Variants in TDRD3 observed in about 807,000 individuals in gnomAD.
TDRD3 encodes the protein tudor domain containing 3.
Under a neutral mutation model 86.7 loss-of-function variants are expected in TDRD3, and 45 were observed. The observed-to-expected ratio is 0.52, with a 90% CI of 0.41 to 0.67. The LOEUF is 0.67. Ranked by LOEUF, TDRD3 falls within the 30% of genes least tolerant of loss-of-function variation. TDRD3 has a pLI of 0.00. For missense variants in TDRD3, 814 were observed against 889.0 expected, an observed-to-expected ratio of 0.92 and a Z score of 1.07; for synonymous variants, 298 against 301.7, an observed-to-expected ratio of 0.99 and a Z score of 0.13.
At chr13:60,562,401 A>G (rs1398976093) in intron 12 of TDRD3, among the ~76,000 whole-genome samples, 2 of 151,960 alleles carry the variant, frequency 1.3e-5, no homozygotes, top group African/African-American at 4.8e-5. Context: ...GAATATTAGT[A>G]TAGTTAATCT....
intron 5 of TDRD3, among the ~76,000 whole-genome samples, chr13:60,473,723 AAG>A (rs1306543406): frequency 4.6e-5 from 7 of 152,338 alleles, no homozygotes; most frequent in South Asian, 4.1e-4. Context: ...ACCAGAAGAC[AAG>A]AGTGTGAGCC....
At chr13:60,501,744 T>G (rs561665168) in intron 8 of TDRD3, among the ~76,000 whole-genome samples, 1 of 152,212 alleles carries the variant, frequency 6.6e-6, no homozygotes, top group Non-Finnish European at 1.5e-5. Flanking sequence ...AACAACCAAC[T>G]ATTCTCTTTA....
chr13:60,396,159 C>G (rs947898434), upstream of TDRD3, among the ~76,000 whole-genome samples: 2 of 152,188 alleles, frequency 1.3e-5, no homozygotes, highest in South Asian at 2.1e-4. Context: ...TTTGATGATG[C>G]CCTTAGAAGC....
chr13:60,541,716 CTTTTTTTTT>C (rs71199007), intron 12 of TDRD3, among the ~76,000 whole-genome samples: 17 of 41,034 alleles, frequency 4.1e-4, no homozygotes, highest in African/African-American at 5.1e-4. Context: ...TCAGCATAGT[CTTTTTTTTT>C]TTTTTTTTTT....
chr13:60,414,461 C>G (rs1436157837), intron 1 of TDRD3, among the ~76,000 whole-genome samples: 1 of 152,052 alleles, frequency 6.6e-6, no homozygotes, highest in Non-Finnish European at 1.5e-5. Flanking sequence ...TGGTTCTTTA[C>G]AGGAAAAGTT....
intron 5 of TDRD3, among the ~76,000 whole-genome samples, chr13:60,474,083 C>T (rs983579669): frequency 6.6e-6 from 1 of 152,160 alleles, no homozygotes; most frequent in African/African-American, 2.4e-5. Context: ...CATGTTCCAC[C>T]CTGTACACCT....
At chr13:60,508,374 A>T (rs1595043418) in intron 8 of TDRD3, among the ~76,000 whole-genome samples, 1 of 152,196 alleles carries the variant, frequency 6.6e-6, no homozygotes, top group East Asian at 1.9e-4. Flanking sequence ...AACTATACTA[A>T]AAGGCTACAG....
chr13:60,483,357 C>G (rs1210064355), intron 5 of TDRD3, among the ~76,000 whole-genome samples: 2 of 151,936 alleles, frequency 1.3e-5, no homozygotes, highest in African/African-American at 4.8e-5. Context: ...AGAAATCACC[C>G]TTATGTTAAC....
chr13:60,510,772 T>C lies in TDRD3; in HGVS notation c.1141+17T>C. On this transcript the variant is annotated intron_variant, in intron 10 of 13. Transcript: ENST00000377881. ...ATGTGGAAGGTAAGCTAATTTAAAG[T>C]TGATTCCTTTTTTTTTCTTTCTTTT... is the stretch of plus-strand genomic sequence containing the variant. 6 of 1,521,348 alleles carry C rather than the reference T, an allele frequency of 3.9e-6. No individual in the cohort carries two copies. Among genetic ancestry groups the C allele is most frequent in the South Asian group, 1.3e-5 (1 of 76,090 alleles). 94.2% of individuals were successfully genotyped at this position (1,521,348 alleles called of 1,614,324 possible).
chr13:60,553,765 T>G (rs1260897792), intron 12 of TDRD3, among the ~76,000 whole-genome samples: 1 of 152,088 alleles, frequency 6.6e-6, no homozygotes, highest in Non-Finnish European at 1.5e-5. Context: ...ACCGACCCCA[T>G]GATCCAATCA....
At chr13:60,525,396 A>G (rs1008220887) in intron 10 of TDRD3, among the ~76,000 whole-genome samples, 3 of 151,358 alleles carry the variant, frequency 2.0e-5, no homozygotes, top group African/African-American at 7.3e-5. Flanking sequence ...CTGGTCTCGA[A>G]CTCCTGACCT....
chr13:60,465,590 A>G (rs1365426167), intron 4 of TDRD3, among the ~76,000 whole-genome samples: 3 of 152,146 alleles, frequency 2.0e-5, no homozygotes, highest in African/African-American at 4.8e-5. Flanking sequence ...TATATATGCA[A>G]AATGTACAGA....
At chr13:60,462,316 G>A (rs1050295459) in intron 4 of TDRD3, among the ~76,000 whole-genome samples, 1 of 152,160 alleles carries the variant, frequency 6.6e-6, no homozygotes, top group Non-Finnish European at 1.5e-5. Flanking sequence ...GGTCAGCCCT[G>A]AGTGTCACTG....
intron 8 of TDRD3, among the ~76,000 whole-genome samples, chr13:60,495,267 T>C (rs1010277227): frequency 2.0e-5 from 3 of 152,180 alleles, no homozygotes; most frequent in African/African-American, 7.2e-5. Context: ...TGTGGGTATT[T>C]CCATGATTTC....
At chr13:60,537,079 T>C (rs912606567) in intron 12 of TDRD3, 1 of 152,152 alleles carries the variant, frequency 6.6e-6, no homozygotes, top group African/African-American at 2.4e-5. Flanking sequence ...TAACCTATTT[T>C]CTTTCTCTGC....
chr13:60,511,108 C>A (rs1372042530), intron 10 of TDRD3, among the ~76,000 whole-genome samples: 1 of 151,794 alleles, frequency 6.6e-6, no homozygotes, highest in Non-Finnish European at 1.5e-5. Context: ...CTTCTTTCTC[C>A]CCATATTACA....
chr13:60,397,033 C>A (rs1953929438), upstream of TDRD3: 2 of 225,460 alleles, frequency 8.9e-6, no homozygotes, highest in East Asian at 1.6e-4. Flanking sequence ...GAAAAGCGCC[C>A]CCCAAAACAA....
chr13:60,494,675 G>A, intron 8 of TDRD3, 100 bp downstream of exon 8: 1 of 1,059,864 alleles, frequency 9.4e-7, no homozygotes, highest in South Asian at 2.4e-5. Context: ...AATGTATTAT[G>A]GATAGATGTT....
At chr13:60,475,763 G>A (rs1271893651) in intron 5 of TDRD3, among the ~76,000 whole-genome samples, 1 of 152,010 alleles carries the variant, frequency 6.6e-6, no homozygotes, top group Non-Finnish European at 1.5e-5. Flanking sequence ...ATCACATTGT[G>A]GTTTTGATTT....
Sources: gnomAD v4.1 joint callset for allele counts (sites outside exome capture counted in the v4.1 genomes callset) on GRCh38, gnomAD v4.1.1 for gene constraint, MANE v1.5 for transcripts, NCBI Gene and HGNC (gene_info 2026-07-23, HGNC 2026-07-21) for gene names.